The following JPH2 variants were observed in gnomAD, a reference collection of about 807,000 sequenced individuals.
The protein encoded by JPH2 is junctophilin 2, also known as junctophilin-2.
Under a neutral mutation model 55.9 loss-of-function variants are expected in JPH2, and 38 were observed. The observed-to-expected ratio is 0.68, with a 90% CI of 0.52 to 0.89. The LOEUF (loss-of-function observed/expected upper bound fraction) is 0.89. Among genes scored for constraint, JPH2 ranks in the 40% least tolerant of loss-of-function variants. The pLI is 0.00. For synonymous variants in JPH2, 480 were observed against 472.4 expected, an observed-to-expected ratio of 1.02 and a Z score of -0.21; for missense variants, 964 against 1,037.6, an observed-to-expected ratio of 0.93 and a Z score of 0.97.
chr20:44,173,775 G>A (rs1396381643), intron 1 of JPH2, among the ~76,000 whole-genome samples: 1 of 152,216 alleles, frequency 6.6e-6, no homozygotes, highest in East Asian at 1.9e-4. Context: ...TTAGCCTGGC[G>A]TGGTGGCGCA....
chr20:44,155,887 T>A (rs182423650), intron 2 of JPH2, among the ~76,000 whole-genome samples: 115 of 152,098 alleles, frequency 7.6e-4, no homozygotes, highest in Admixed American at 1.7e-3. Context: ...AATACAAAAA[T>A]TAGCCAGGTG....
intron 2 of JPH2, among the ~76,000 whole-genome samples, chr20:44,127,514 C>A (rs2072285822): frequency 6.8e-6 from 1 of 147,090 alleles, no homozygotes; most frequent in Non-Finnish European, 1.5e-5. Context: ...GAAACGGAGT[C>A]TCGCTCTGTC....
Position 44,115,701 on chromosome 20 carries a change from G to C in JPH2, c.1974C>G (p.Ala658=). ...CCACCTCCGCCTCTGCCGCCAGTGC[G>C]GCCTCCTTCCGCGCCTTCTTCTTGG... ...AGAKKKARKE[A]ALAAEAEVEV... Residue 658 remains alanine (A), a synonymous_variant, in exon 4 of 6, where the codon GCC becomes GCG. Transcript: ENST00000372980. 6.2e-7 allele frequency: 1 copy of C among 1,613,296 alleles called. No individual in the cohort carries two copies. The highest frequency in any genetic ancestry group is 8.5e-7 in the Non-Finnish European group (1 of 1,180,002).
rs74325346 is a variant in JPH2 at position 44,178,275 on chromosome 20, A to G, written c.379+8052T>C. Among the ~76,000 whole-genome samples, 1,595 of 152,376 alleles carry G rather than the reference A, an allele frequency of 0.01. 9 individuals are homozygous for G. The highest frequency in any genetic ancestry group is 0.018 in the South Asian group (88 of 4,834). The stretch of plus-strand genomic sequence containing the variant: ...CAAGGTAAAAGAATTCAAAGTCAAT[A>G]TACAAAAATAGTTGTATTTCTATAA... On this transcript the variant is annotated intron_variant, in intron 1 of 5. Transcript: ENST00000372980.
intron 2 of JPH2, among the ~76,000 whole-genome samples, chr20:44,126,705 T>C (rs2072279492): frequency 6.6e-6 from 1 of 152,190 alleles, no homozygotes; most frequent in Non-Finnish European, 1.5e-5. Context: ...CCATTCATTC[T>C]CATTCGGCAA....
At chr20:44,146,426 T>G (rs1282348266) in intron 2 of JPH2, among the ~76,000 whole-genome samples, 4 of 152,110 alleles carry the variant, frequency 2.6e-5, no homozygotes, top group African/African-American at 7.2e-5. Context: ...CAGTCACAGC[T>G]GCCTCATGTA....
At position 44,115,810 on chromosome 20, in the gene JPH2, A is replaced by G; in HGVS notation, c.1865T>C (p.Leu622Pro). ...PEPARETPAK[L>P]EPKPIIPKAE... Reference sequence around the variant, plus strand: ...TTTGGGGATGATGGGCTTGGGCTCCAGCTTGGCGGGGGTCTCGCGTGCAGG... The same window carrying G: ...TTTGGGGATGATGGGCTTGGGCTCCGGCTTGGCGGGGGTCTCGCGTGCAGG... Residue 622 changes from leucine to proline, a missense_variant, in exon 4 of 6, where the codon CTG (leucine) becomes CCG (proline). Physicochemically the swap from Leu to Pro is moderately conservative, Grantham distance 98. Transcript: ENST00000372980. The G allele has an allele frequency of 1.2e-6, 2 of 1,605,374 alleles. No individual in the cohort carries two copies. The highest frequency in any genetic ancestry group is 1.7e-6 in the Non-Finnish European group (2 of 1,178,890).
chr20:44,118,736 A>C, intron 2 of JPH2, 113 bp from the exon 3 acceptor site: 1 of 842,416 alleles, frequency 1.2e-6, no homozygotes, highest in Non-Finnish European at 2.0e-6. Context: ...TCACGCAGGC[A>C]GTCAATGAAT....
chr20:44,185,469 A>AAAAAT (rs113991343), intron 1 of JPH2, among the ~76,000 whole-genome samples: 2 of 149,650 alleles, frequency 1.3e-5, no homozygotes, highest in Admixed American at 6.7e-5. Flanking sequence ...ACAAAAAAAA[A>AAAAAT]AATAATAATA....
intron 1 of JPH2, among the ~76,000 whole-genome samples, chr20:44,169,688 G>T (rs1288809488): frequency 6.6e-6 from 1 of 152,174 alleles, no homozygotes; most frequent in Non-Finnish European, 1.5e-5. Context: ...AGATCAGTGT[G>T]CCTCGGTGCT....
chr20:44,178,601 T>G (rs918310640), intron 1 of JPH2, among the ~76,000 whole-genome samples: 1 of 152,120 alleles, frequency 6.6e-6, no homozygotes, highest in East Asian at 1.9e-4. Context: ...CTTTTCTTTG[T>G]TTGTTTTGTT....
intron 2 of JPH2, among the ~76,000 whole-genome samples, chr20:44,148,602 T>C (rs1303978225): frequency 6.6e-6 from 1 of 152,222 alleles, no homozygotes; most frequent in Non-Finnish European, 1.5e-5. Flanking sequence ...CGACCCGAGC[T>C]GCCGCGTGGC....
intron 2 of JPH2, among the ~76,000 whole-genome samples, chr20:44,124,679 A>G (rs2072263353): frequency 6.6e-6 from 1 of 151,950 alleles, no homozygotes; most frequent in African/African-American, 2.4e-5. Flanking sequence ...AAAGAAAGAA[A>G]GGAAACAAAA....
intron 1 of JPH2, among the ~76,000 whole-genome samples, chr20:44,162,787 TACACACAC>T (rs765198116): frequency 8.8e-4 from 36 of 40,994 alleles, no homozygotes; most frequent in South Asian, 4.2e-3. Flanking sequence ...TATATATATA[TACACACAC>T]ACACACACAC....
chr20:44,141,214 G>T (rs73908577), intron 2 of JPH2, among the ~76,000 whole-genome samples: 1 of 152,250 alleles, frequency 6.6e-6, no homozygotes, highest in Non-Finnish European at 1.5e-5. Flanking sequence ...GGGAAGCAAC[G>T]CATCCGGCTA....
At position 44,160,558 on chromosome 20, in the gene JPH2, G is replaced by A. The variant is rs2072603649; in HGVS notation, c.380-151C>T. ...AGGGTCAGGGTGCACAGTGCTATGA[G>A]TGTTTGAGTCTACTCGAGTGTGCAA... is the stretch of plus-strand genomic sequence containing the variant. On this transcript the variant is annotated intron_variant, in intron 1 of 5. Transcript: ENST00000372980. The surrounding 1 kb of genome is among the most constrained non-coding windows in gnomAD (Gnocchi z 4.9). 2.6e-6 allele frequency: 2 copies of A among 783,974 alleles called. No individual in the cohort carries two copies. The highest frequency in any genetic ancestry group is 3.0e-5 in the South Asian group (2 of 66,816). 48.6% of individuals were successfully genotyped at this position (783,974 alleles called of 1,614,324 possible).
At chr20:44,180,949 C>T (rs919292432) in intron 1 of JPH2, among the ~76,000 whole-genome samples, 5 of 151,854 alleles carry the variant, frequency 3.3e-5, no homozygotes, top group African/African-American at 1.2e-4. Flanking sequence ...GCAACAGGCA[C>T]ATAACTCTTT....
chr20:44,186,797 G>T lies in JPH2; in HGVS notation c.-92C>A, dbSNP rs1262132091. 7.4e-7 allele frequency: 1 copy of T among 1,342,508 alleles called. No individual in the cohort carries two copies. The highest frequency in any genetic ancestry group is 1.1e-6 in the Non-Finnish European group (1 of 950,568). The allele number at this position is 1,342,508 out of a possible 1,614,324, so 83.2% of individuals were successfully genotyped here. ...CAACACTCCTCCAGTGCCCTCGGGG[G>T]CAGGCCCCCAGACTCACCACTGCAC... On this transcript the variant is annotated 5_prime_UTR_variant, in exon 1 of 6. Coordinates refer to ENST00000372980, the MANE Select transcript of JPH2 (RefSeq NM_020433.5).
In JPH2 at chr20:44,134,612, TATAATAA is replaced by T. The variant is rs1472695312; in HGVS notation, c.1170-15996_1170-15990del. 4.6e-4 allele frequency among the ~76,000 whole-genome samples: 8 copies of T among 17,496 alleles called. 1 individual carries two copies. Among genetic ancestry groups the T allele is most frequent in the Non-Finnish European group, 6.2e-4 (7 of 11,214 alleles). 11.5% of individuals were successfully genotyped at this position (17,496 alleles called of 152,430 possible). The stretch of plus-strand genomic sequence containing the variant: ...TATATAAATATATATTTATTATAAA[TATAATAA>T]ATATATATTTATTATAAATATATAA... On this transcript the variant is annotated intron_variant, in intron 2 of 5. Coordinates refer to ENST00000372980, the MANE Select transcript of JPH2 (RefSeq NM_020433.5).
Sources: gnomAD v4.1 joint callset for allele counts (sites outside exome capture counted in the v4.1 genomes callset) on GRCh38, gnomAD v4.1.1 for gene constraint, Gnocchi (gnomAD v3.1) non-coding constraint, MANE v1.5 for transcripts, NCBI Gene and HGNC (gene_info 2026-07-23, HGNC 2026-07-21) for gene names.